The following RYR2 variants were observed in gnomAD, a reference collection of about 807,000 sequenced individuals.
RYR2 encodes cardiac muscle ryanodine receptor-calcium release channel.
RYR2 carries 227 observed loss-of-function variants against 601.1 expected under a neutral mutation model. That is an observed-to-expected ratio of 0.38 (90% CI 0.34 to 0.42). The LOEUF (loss-of-function observed/expected upper bound fraction) is 0.42. RYR2 is among the 10% of genes least tolerant of loss of function. The pLI is 1.00. For missense variants in RYR2, 4,646 were observed against 6,156.5 expected, an observed-to-expected ratio of 0.75 and a Z score of 8.21; for synonymous variants, 2,223 against 2,175.1, an observed-to-expected ratio of 1.02 and a Z score of -0.61.
In RYR2 at chr1:237,639,124, A is replaced by C. The variant is rs116601686; in HGVS notation, c.7038A>C (p.Ala2346=). 1,138 of 1,613,904 alleles carry C rather than the reference A, an allele frequency of 7.1e-4. 9 individuals carry two copies. In the African/African-American group the frequency reaches 0.014, roughly 19 times the overall value. ...RGEGGNGLLA[A]MEEAIKIAED... ...AAGGTGGGAATGGGCTTCTTGCAGC[A>C]ATGGAAGAAGCCATCAAAATCGCCG... is the stretch of plus-strand genomic sequence containing the variant. The change falls in exon 46 of 105, where the codon GCA becomes GCC. Residue 2346 remains alanine, a synonymous_variant. Transcript: ENST00000366574.
At chr1:237,110,479 T>G (rs183821138) in intron 1 of RYR2, among the ~76,000 whole-genome samples, 7 of 144,716 alleles carry the variant, frequency 4.8e-5, no homozygotes, top group Non-Finnish European at 9.1e-5. Flanking sequence ...TGTGTTCTCA[T>G]TGTTCAATTC....
At chr1:237,113,639 A>G (rs563217097) in intron 1 of RYR2, among the ~76,000 whole-genome samples, 10 of 152,272 alleles carry the variant, frequency 6.6e-5, no homozygotes, top group South Asian at 2.1e-4. Flanking sequence ...TACATCATCA[A>G]TGTGTGAGGA....
intron 25 of RYR2, among the ~76,000 whole-genome samples, chr1:237,546,596 G>A (rs796504148): frequency 2.0e-5 from 3 of 152,152 alleles, no homozygotes; most frequent in African/African-American, 7.2e-5. Context: ...AGCCAGGCTT[G>A]TCTTGAACTC....
chr1:237,430,030 A>C (rs1706629008), intron 12 of RYR2, among the ~76,000 whole-genome samples: 1 of 151,428 alleles, frequency 6.6e-6, no homozygotes, highest in South Asian at 2.1e-4. Flanking sequence ...AGTATTTTTC[A>C]TGGCTATCTT....
At position 237,595,668 on chromosome 1, in the gene RYR2, A is replaced by G; in HGVS notation, c.4596+11A>G. ...AGCACATACTATCAGGTACGCGGTC[A>G]GTGATGATATCAGTCTTCTAGGGAG... On this transcript the variant is annotated intron_variant, in intron 34 of 104. Transcript: ENST00000366574. The G allele has an allele frequency of 2.5e-6, 4 of 1,597,040 alleles. No individual in the cohort carries two copies. Among genetic ancestry groups the G allele is most frequent in the Non-Finnish European group, 3.4e-6 (4 of 1,173,752 alleles).
chr1:237,533,619 G>A (rs1472275733), intron 25 of RYR2, among the ~76,000 whole-genome samples: 1 of 152,100 alleles, frequency 6.6e-6, no homozygotes, highest in Non-Finnish European at 1.5e-5. Flanking sequence ...TAATAAGGGT[G>A]TAAAAAACAT....
In RYR2 at chr1:237,773,650, T is replaced by A; in HGVS notation, c.11775+2T>A. 1 of 1,610,170 alleles carries A rather than the reference T, an allele frequency of 6.2e-7. No homozygotes were observed. The highest frequency in any genetic ancestry group is 8.5e-7 in the Non-Finnish European group (1 of 1,177,532). On this transcript the variant is annotated splice_donor_variant, in intron 87 of 104. Coordinates refer to ENST00000366574, the MANE Select transcript of RYR2 (RefSeq NM_001035.3). LOFTEE classifies it high-confidence loss of function. Reference sequence around the variant, plus strand: ...AACACTCTTACAGAGTATATTCAGGTAAACATTTAAACATGGCTGCTATCT... The same window carrying A: ...AACACTCTTACAGAGTATATTCAGGAAAACATTTAAACATGGCTGCTATCT...
chr1:237,479,154 C>G (rs1192912005), intron 17 of RYR2, among the ~76,000 whole-genome samples: 1 of 152,116 alleles, frequency 6.6e-6, no homozygotes, highest in Non-Finnish European at 1.5e-5. Context: ...TCTGGTAGTA[C>G]TTTCTCATAT....
intron 17 of RYR2, among the ~76,000 whole-genome samples, chr1:237,482,713 A>T (rs1662253837): frequency 6.6e-6 from 1 of 152,086 alleles, no homozygotes; most frequent in African/African-American, 2.4e-5. Context: ...TTGGGTATAT[A>T]CTCAGCAGTG....
chr1:237,670,309 T>TGGAGAG lies in RYR2; in HGVS notation c.8590+2375_8590+2380dup, dbSNP rs961889025. Reference sequence around the variant, plus strand: ...AGGGAGACTGTGGGGAGAGGGAGACTGGAGAGGGAGAGGGAGAGGGAGAGG... The same window carrying TGGAGAG: ...AGGGAGACTGTGGGGAGAGGGAGACTGGAGAGGGAGAGGGAGAGGGAGAGGGAGAGG... On this transcript the variant is annotated intron_variant, in intron 58 of 104. Transcript: ENST00000366574. Among the ~76,000 whole-genome samples, 134 of 84,420 alleles carry TGGAGAG rather than the reference T, an allele frequency of 1.6e-3. 1 individual carries two copies. Among genetic ancestry groups the TGGAGAG allele is most frequent in the Middle Eastern group, 0.011 (1 of 94 alleles). 55.4% of individuals were successfully genotyped at this position (84,420 alleles called of 152,430 possible).
chr1:237,656,705 CG>C (rs752104900), intron 53 of RYR2, among the ~76,000 whole-genome samples: 1 of 152,208 alleles, frequency 6.6e-6, no homozygotes, highest in African/African-American at 2.4e-5. Flanking sequence ...TTATTATCCA[CG>C]GCTTCTGAAT....
At chr1:237,289,288 T>C (rs1691949606) in intron 2 of RYR2, among the ~76,000 whole-genome samples, 1 of 152,144 alleles carries the variant, frequency 6.6e-6, no homozygotes, top group African/African-American at 2.4e-5. Flanking sequence ...CTGCTCTGTC[T>C]AGAGCTGCAA....
intron 60 of RYR2, among the ~76,000 whole-genome samples, chr1:237,675,958 A>G (rs909877602): frequency 4.6e-5 from 7 of 152,160 alleles, no homozygotes; most frequent in Non-Finnish European, 1.0e-4. Context: ...TAATCTCTCT[A>G]TGACTCATAT....
At chr1:237,773,397 A>AT (rs1694421790) in intron 86 of RYR2, 123 bp from the exon 87 acceptor site, 1 of 596,236 alleles carries the variant, frequency 1.7e-6, no homozygotes, top group Admixed American at 3.0e-5. Flanking sequence ...CTTCACAGAT[A>AT]TTTTTGTTTG....
Position 237,205,483 on chromosome 1 carries a change from G to A in RYR2, c.49-65014G>A, listed in dbSNP as rs547546895. On this transcript the variant is annotated intron_variant, in intron 1 of 104. Transcript: ENST00000366574. ...TCCGAGCCTGCAGTGCCATGGTGGCGTTTGTGGCCAAGAGACTATGTGCAA... is the reference window on the plus strand; with the variant it reads ...TCCGAGCCTGCAGTGCCATGGTGGCATTTGTGGCCAAGAGACTATGTGCAA... Among the ~76,000 whole-genome samples, 40 of 152,280 alleles carry A rather than the reference G, an allele frequency of 2.6e-4. No homozygotes were observed. The South Asian group carries it at 7.5e-3, about 28-fold the overall frequency.
In RYR2 at chr1:237,614,007, T is replaced by C; in HGVS notation, c.4911-32T>C. 6.4e-7 allele frequency: 1 copy of C among 1,573,270 alleles called. No individual in the cohort carries two copies. On this transcript the variant is annotated intron_variant, in intron 36 of 104. Transcript: ENST00000366574. The surrounding 1 kb of genome is among the most constrained non-coding windows in gnomAD (Gnocchi z 4.3). ...CAGATTTTAAAAAATCATTCATTTC[T>C]AATCTTACTACCACTCTCCTCCCTT...
chr1:237,541,335 G>T (rs1313081549), intron 25 of RYR2, among the ~76,000 whole-genome samples: 1 of 152,142 alleles, frequency 6.6e-6, no homozygotes, highest in East Asian at 1.9e-4. Context: ...ATTCTAGTTT[G>T]CTTAGGGCAA....
chr1:237,783,311 T>TTCAAC (rs1695277123), intron 89 of RYR2, among the ~76,000 whole-genome samples: 1 of 152,110 alleles, frequency 6.6e-6, no homozygotes, highest in Admixed American at 6.5e-5. Flanking sequence ...ATAGTGATTT[T>TTCAAC]TCAACTCTAA....
chr1:237,567,616 A>G (rs763942573), intron 28 of RYR2, among the ~76,000 whole-genome samples: 24 of 151,898 alleles, frequency 1.6e-4, no homozygotes, highest in African/African-American at 4.6e-4. Context: ...TAATAATAAC[A>G]ACAAGGTATA....
Sources: gnomAD v4.1 joint callset for allele counts (sites outside exome capture counted in the v4.1 genomes callset) on GRCh38, gnomAD v4.1.1 for gene constraint, Gnocchi (gnomAD v3.1) non-coding constraint, MANE v1.5 for transcripts, NCBI Gene and HGNC (gene_info 2026-07-23, HGNC 2026-07-21) for gene names.